Variants in PLS3 observed in about 807,000 individuals in gnomAD.
The protein encoded by PLS3 is plastin 3.
In PLS3, 11 loss-of-function variants were observed where a neutral mutation model predicts 46.5. That is an observed-to-expected ratio of 0.24 (90% CI 0.15 to 0.39). The LOEUF (loss-of-function observed/expected upper bound fraction) is 0.39, where lower values mean the gene tolerates loss of function less well. PLS3 is among the 10% of genes least tolerant of loss of function. The probability of loss-of-function intolerance (pLI) is 1.00; values close to 1 mark genes in which losing one functional copy is unlikely to be tolerated. For missense variants in PLS3, 308 were observed against 461.8 expected, an observed-to-expected ratio of 0.67 and a Z score of 3.05; for synonymous variants, 167 against 162.2, an observed-to-expected ratio of 1.03 and a Z score of -0.22.
intron 9 of PLS3, among the ~76,000 whole-genome samples, chrX:115,642,685 C>T (rs2074910702): frequency 9.0e-6 from 1 of 111,110 alleles, no homozygotes; most frequent in Non-Finnish European, 1.9e-5. Context: ...GGAGAAACTC[C>T]AAAGCAGAAA....
chrX:115,620,628 A>G (rs2074639342), intron 2 of PLS3, among the ~76,000 whole-genome samples: 1 of 105,989 alleles, frequency 9.4e-6, no homozygotes, highest in African/African-American at 3.5e-5. Flanking sequence ...GCTTCCAGTT[A>G]TGGCAATCAA....
rs782575149 is a variant in PLS3 at position 115,606,165 on chromosome X, C to CTTTT, written c.-8-4056_-8-4053dup. ...TTTTCTTTCTTTTTTCTTTTCTTTTCTTTTTTTTTTTTTTTTTTTTTTTTT... is the reference window on the plus strand; with the variant it reads ...TTTTCTTTCTTTTTTCTTTTCTTTTCTTTTTTTTTTTTTTTTTTTTTTTTTTTTT... On this transcript the variant is annotated intron_variant, in intron 1 of 15. Transcript: ENST00000355899. 2.1e-3 allele frequency among the ~76,000 whole-genome samples: 63 copies of CTTTT among 30,284 alleles called. 2 individuals are homozygous for CTTTT. The highest frequency in any genetic ancestry group is 3.0e-3 in the Admixed American group (5 of 1,670). 26.3% of individuals were successfully genotyped at this position (30,284 alleles called of 115,157 possible).
chrX:115,570,960 A>T (rs1603217143), intron 1 of PLS3, among the ~76,000 whole-genome samples: 1 of 94,014 alleles, frequency 1.1e-5, no homozygotes. Flanking sequence ...CAGTGGCGCG[A>T]TCTCAGCTCA....
intron 2 of PLS3, among the ~76,000 whole-genome samples, chrX:115,613,363 G>C (rs2074564724): frequency 9.0e-6 from 1 of 111,530 alleles, no homozygotes; most frequent in African/African-American, 3.3e-5. Flanking sequence ...AGGAAGTTGA[G>C]TTGTTTCAAA....
At chrX:115,628,676 G>C (rs1429693653) in intron 3 of PLS3, among the ~76,000 whole-genome samples, 1 of 111,849 alleles carries the variant, frequency 8.9e-6, no homozygotes, top group Non-Finnish European at 1.9e-5. Context: ...GTTTATTCTT[G>C]ATAGTCATCT....
chrX:115,619,979 CAG>C (rs1249477645), intron 2 of PLS3, among the ~76,000 whole-genome samples: 3 of 112,535 alleles, frequency 2.7e-5, no homozygotes, highest in African/African-American at 9.7e-5. Flanking sequence ...TAAAACTAAA[CAG>C]AATTTCATCA....
chrX:115,586,909 T>C (rs781841499), intron 1 of PLS3, among the ~76,000 whole-genome samples: 14 of 112,167 alleles, frequency 1.2e-4, no homozygotes, highest in Non-Finnish European at 2.6e-4. Context: ...GTTAATTTTA[T>C]TTTCAGTTTG....
intron 2 of PLS3, among the ~76,000 whole-genome samples, chrX:115,620,934 T>G (rs1250888199): frequency 1.6e-4 from 18 of 109,523 alleles, no homozygotes; most frequent in Non-Finnish European, 7.6e-5. Flanking sequence ...CCTCAAGTGA[T>G]CCGCCTGCCT....
intron 1 of PLS3, among the ~76,000 whole-genome samples, chrX:115,564,520 A>C (rs1261532354): frequency 8.9e-6 from 1 of 112,493 alleles, no homozygotes; most frequent in African/African-American, 3.2e-5. Context: ...GTTACTGAAA[A>C]TAAAAGGGCA....
At chrX:115,591,005 G>A (rs2147442296) in intron 1 of PLS3, among the ~76,000 whole-genome samples, 1 of 110,188 alleles carries the variant, frequency 9.1e-6, no homozygotes, top group Non-Finnish European at 1.9e-5. Context: ...CGGGCGTGGT[G>A]GCGGGTGCTT....
chrX:115,643,381 T>C lies in PLS3; in HGVS notation c.1056T>C (p.Phe352=). The C allele has an allele frequency of 8.4e-7, 1 of 1,192,073 alleles. No individual in the cohort carries two copies. The highest frequency in any genetic ancestry group is 1.7e-5 in the African/African-American group (1 of 57,399). ...CAGATAAATTAGGTTGCAGACAGTTTGTTACCCCTGCTGATGTTGTCAGTG... is the reference window on the plus strand; with the variant it reads ...CAGATAAATTAGGTTGCAGACAGTTCGTTACCCCTGCTGATGTTGTCAGTG... ...QQADKLGCRQ[F]VTPADVVSGN... Residue 352 remains phenylalanine, a synonymous_variant, in exon 10 of 16, where the codon TTT becomes TTC. Coordinates refer to ENST00000355899, the MANE Select transcript of PLS3 (RefSeq NM_005032.7).
At chrX:115,601,462 A>T (rs1478934627) in intron 1 of PLS3, among the ~76,000 whole-genome samples, 1 of 18,326 alleles carries the variant, frequency 5.5e-5, no homozygotes, top group Non-Finnish European at 9.0e-5. Flanking sequence ...CAGATCTGAT[A>T]AAAAAAAAAA....
intron 1 of PLS3, among the ~76,000 whole-genome samples, chrX:115,585,583 G>T (rs1423158309): frequency 9.1e-6 from 1 of 110,201 alleles, no homozygotes; most frequent in African/African-American, 3.3e-5. Context: ...GTAGAGACGG[G>T]ATTTCACCAT....
intron 1 of PLS3, among the ~76,000 whole-genome samples, chrX:115,595,817 T>G (rs2074383568): frequency 9.3e-6 from 1 of 106,961 alleles, no homozygotes; most frequent in Non-Finnish European, 1.9e-5. Flanking sequence ...GCCTCCCGAG[T>G]AGCTGGGATT....
At chrX:115,632,004 A>G (rs1205742441) in intron 5 of PLS3, among the ~76,000 whole-genome samples, 1 of 109,468 alleles carries the variant, frequency 9.1e-6, no homozygotes, top group African/African-American at 3.3e-5. Flanking sequence ...GGGTTTCACC[A>G]TGTTGGCTAG....
chrX:115,637,662 G>C (rs1218839829), intron 8 of PLS3, among the ~76,000 whole-genome samples: 2 of 111,594 alleles, frequency 1.8e-5, no homozygotes, highest in African/African-American at 6.5e-5. Flanking sequence ...CATTACCATA[G>C]CAAACATTGT....
intron 9 of PLS3, among the ~76,000 whole-genome samples, chrX:115,642,038 C>CTTTT (rs782288958): frequency 6.1e-5 from 4 of 65,699 alleles, no homozygotes; most frequent in African/African-American, 1.8e-4. Flanking sequence ...TCTTTAGGGT[C>CTTTT]TTTTTTTTTT....
At chrX:115,574,642 C>T (rs964882088) in intron 1 of PLS3, among the ~76,000 whole-genome samples, 1 of 110,485 alleles carries the variant, frequency 9.1e-6, no homozygotes, top group African/African-American at 3.3e-5. Flanking sequence ...TGCAATGGCA[C>T]GATCTCGGCT....
intron 2 of PLS3, among the ~76,000 whole-genome samples, chrX:115,620,025 G>A (rs2074633191): frequency 9.0e-6 from 1 of 111,621 alleles, no homozygotes; most frequent in African/African-American, 3.3e-5. Context: ...GTTCCATGCA[G>A]TATACTTAAT....
Sources: gnomAD v4.1 joint callset for allele counts (sites outside exome capture counted in the v4.1 genomes callset) on GRCh38, gnomAD v4.1.1 for gene constraint, MANE v1.5 for transcripts, NCBI Gene and HGNC (gene_info 2026-07-23, HGNC 2026-07-21) for gene names.